BMPR2: variants seen among roughly 807,000 people sequenced by gnomAD.
The protein encoded by BMPR2 is bone morphogenetic protein receptor type 2, also known as bone morphogenetic protein receptor type-2.
Under a neutral mutation model 100.8 loss-of-function variants are expected in BMPR2, and 29 were observed. That is an observed-to-expected ratio of 0.29 (90% confidence interval 0.21 to 0.39). BMPR2 has a LOEUF of 0.39. Among genes scored for constraint, BMPR2 ranks in the 10% least tolerant of loss-of-function variants. The pLI, the probability that BMPR2 is intolerant of heterozygous loss-of-function variation, is 1.00. For synonymous variants in BMPR2, 382 were observed against 442.3 expected, an observed-to-expected ratio of 0.86 and a Z score of 1.71; for missense variants, 1,011 against 1,274.5, an observed-to-expected ratio of 0.79 and a Z score of 3.15.
At chr2:202,510,597 G>T (rs1004827753) in intron 3 of BMPR2, among the ~76,000 whole-genome samples, 4 of 152,088 alleles carry the variant, frequency 2.6e-5, no homozygotes, top group African/African-American at 9.7e-5. Context: ...AGTTTTGTGT[G>T]TGTGTATGTG....
chr2:202,422,912 AG>A (rs1165896180), intron 1 of BMPR2, among the ~76,000 whole-genome samples: 1 of 150,718 alleles, frequency 6.6e-6, no homozygotes, highest in Admixed American at 6.6e-5. Flanking sequence ...TGCTGACCTC[AG>A]GTGATCCACC....
rs1290695738 is a variant in BMPR2 at position 202,535,157 on chromosome 2, A to G, written c.1276+2425A>G. Among the ~76,000 whole-genome samples, 299 of 127,464 alleles carry G rather than the reference A, an allele frequency of 2.3e-3. 3 individuals are homozygous for G. The highest frequency in any genetic ancestry group is 8.3e-3 in the African/African-American group (274 of 32,838). 83.6% of individuals were successfully genotyped at this position (127,464 alleles called of 152,430 possible). A position where few individuals can be genotyped will look rare whatever the true frequency, so the allele number is the denominator to read the frequency against. On this transcript the variant is annotated intron_variant, in intron 9 of 12. Transcript: ENST00000374580. ...GCTGACCCCCCCACCTCCCTCCCGG[A>G]TGGGGCGGCTGGCCTGGCGGGGGGC... is the stretch of plus-strand genomic sequence containing the variant.
rs1574507343 is a variant in BMPR2 at position 202,556,276 on chromosome 2, C to T, written c.2611C>T (p.Leu871=). ...CAGTCCTGATGAGCATGAGCCTTTACTGAGACGAGAGCAACAAGCTGGCCA... is the reference window on the plus strand; with the variant it reads ...CAGTCCTGATGAGCATGAGCCTTTATTGAGACGAGAGCAACAAGCTGGCCA... ...NSSPDEHEPL[L]RREQQAGHDE... The change falls in exon 12 of 13, where the codon CTG becomes TTG. Residue 871 remains leucine (L), a synonymous_variant. Coordinates refer to ENST00000374580, the MANE Select transcript of BMPR2 (RefSeq NM_001204.7). 6.2e-7 allele frequency: 1 copy of T among 1,614,204 alleles called. No homozygotes were observed. The highest frequency in any genetic ancestry group is 8.5e-7 in the Non-Finnish European group (1 of 1,180,042).
chr2:202,483,641 C>T (rs569543985), intron 3 of BMPR2, among the ~76,000 whole-genome samples: 5 of 152,196 alleles, frequency 3.3e-5, no homozygotes, highest in South Asian at 2.1e-4. Flanking sequence ...CTCAGTGATC[C>T]GCCCACCTAG....
chr2:202,515,867 G>C (rs1687702501), intron 5 of BMPR2, among the ~76,000 whole-genome samples: 1 of 152,058 alleles, frequency 6.6e-6, no homozygotes. Flanking sequence ...CTAGGTGACA[G>C]AGCAGGAATC....
chr2:202,463,545 G>A (rs1692261853), intron 1 of BMPR2, among the ~76,000 whole-genome samples: 1 of 152,204 alleles, frequency 6.6e-6, no homozygotes, highest in African/African-American at 2.4e-5. Context: ...AAACAAGTCA[G>A]AAGCCCCCAA....
chr2:202,513,719 G>T lies in BMPR2; in HGVS notation c.419G>T (p.Ser140Ile), dbSNP rs1259254069. The part of the protein sequence containing the change: ...NFPPPDTTPL[S>I]PPHSFNRDET... ...CATTTCAAAATTTGTTTTCTTTTAG[G>T]TCCACCTCATTCATTTAACCGAGAT... The change falls in exon 4 of 13, where the codon AGT (serine) becomes ATT (isoleucine). Residue 140 changes from serine (S) to isoleucine (I), a missense_variant and splice_region_variant. Ser to Ile is a moderately radical substitution (Grantham distance 142). Around this residue, in one of 6 missense-constraint regions of BMPR2, gnomAD observed 355 missense variants for 455.3 expected, o/e 0.78. Coordinates refer to ENST00000374580, the MANE Select transcript of BMPR2 (RefSeq NM_001204.7). The T allele has an allele frequency of 6.2e-7, 1 of 1,610,046 alleles. No individual in the cohort carries two copies. The highest frequency in any genetic ancestry group is 1.7e-5 in the Admixed American group (1 of 59,878).
In BMPR2 at chr2:202,467,727, C is replaced by T. The variant is rs533667407; in HGVS notation, c.418+38C>T. ...ACCAACTTTTCTTTGTATTTCCTTT[C>T]TCCAAAGATTTGCAAAATATAAAAA... On this transcript the variant is annotated intron_variant, in intron 3 of 12. Coordinates refer to ENST00000374580, the MANE Select transcript of BMPR2 (RefSeq NM_001204.7). The T allele has an allele frequency of 1.1e-5, 17 of 1,572,096 alleles. No individual in the cohort carries two copies. The South Asian group carries it at 1.2e-4, about 11-fold the overall frequency.
chr2:202,518,420 G>A (rs576526407), intron 5 of BMPR2, among the ~76,000 whole-genome samples: 1 of 152,234 alleles, frequency 6.6e-6, no homozygotes, highest in Admixed American at 6.5e-5. Flanking sequence ...TTACAGGCAT[G>A]AGCCACCACA....
At chr2:202,550,549 C>G (rs1283857207) in intron 10 of BMPR2, among the ~76,000 whole-genome samples, 1 of 151,984 alleles carries the variant, frequency 6.6e-6, no homozygotes, top group Non-Finnish European at 1.5e-5. Flanking sequence ...ATGCTTTTCT[C>G]TCTTAAATAA....
intron 1 of BMPR2, among the ~76,000 whole-genome samples, chr2:202,424,933 A>G (rs1691355434): frequency 6.6e-6 from 1 of 152,066 alleles, no homozygotes; most frequent in African/African-American, 2.4e-5. Flanking sequence ...CTTCAAGACA[A>G]ATTTTAAGAG....
chr2:202,496,782 T>C (rs1209685397), intron 3 of BMPR2, among the ~76,000 whole-genome samples: 1 of 152,240 alleles, frequency 6.6e-6, no homozygotes, highest in Non-Finnish European at 1.5e-5. Flanking sequence ...TCTCAGCGCC[T>C]CCTCTGCCTG....
intron 4 of BMPR2, among the ~76,000 whole-genome samples, chr2:202,514,427 C>T (rs1048275957): frequency 5.9e-5 from 9 of 152,324 alleles, no homozygotes; most frequent in South Asian, 2.1e-4. Context: ...TGAGCCACTG[C>T]GTCCGGCCAA....
chr2:202,465,416 C>T (rs1009579664), intron 2 of BMPR2, among the ~76,000 whole-genome samples: 2 of 151,862 alleles, frequency 1.3e-5, no homozygotes, highest in Admixed American at 6.6e-5. Context: ...TGTATATCTC[C>T]ACAAGCCCCA....
rs191133853 is a variant in BMPR2 at position 202,497,378 on chromosome 2, C to T, written c.419-16341C>T. Among the ~76,000 whole-genome samples the T allele has an allele frequency of 6.4e-4, 98 of 152,320 alleles. No individual in the cohort carries two copies. In the East Asian group the frequency reaches 0.011, roughly 17 times the overall value. The stretch of plus-strand genomic sequence containing the variant: ...TTCTGTCCTGTCTTTCCTTAGAATT[C>T]GGGGGCTAAATACCGGGCACCTTAT... On this transcript the variant is annotated intron_variant, in intron 3 of 12. Transcript: ENST00000374580.
At chr2:202,529,068 T>C (rs1687968623) in intron 7 of BMPR2, among the ~76,000 whole-genome samples, 1 of 152,220 alleles carries the variant, frequency 6.6e-6, no homozygotes, top group Non-Finnish European at 1.5e-5. Context: ...TAGCAACGCA[T>C]GCTTATTACC....
At chr2:202,478,342 TCAACCATATA>T (rs1429681820) in intron 3 of BMPR2, among the ~76,000 whole-genome samples, 2 of 152,038 alleles carry the variant, frequency 1.3e-5, no homozygotes, top group Non-Finnish European at 2.9e-5. Flanking sequence ...TGTCAATGAG[TCAACCATATA>T]CAACCATATA....
chr2:202,388,956 G>C (rs1690491077), intron 1 of BMPR2, among the ~76,000 whole-genome samples: 1 of 152,106 alleles, frequency 6.6e-6, no homozygotes, highest in Non-Finnish European at 1.5e-5. Context: ...AAAAGTGTGG[G>C]CTGGGTGCAG....
chr2:202,549,919 G>A (rs1189415214), intron 10 of BMPR2, among the ~76,000 whole-genome samples: 1 of 151,890 alleles, frequency 6.6e-6, no homozygotes, highest in East Asian at 1.9e-4. Context: ...GGGGGTGGTG[G>A]AGGGAGTACA....
Sources: gnomAD v4.1 joint callset for allele counts (sites outside exome capture counted in the v4.1 genomes callset) on GRCh38, gnomAD v4.1.1 for gene constraint, gnomAD v4.1.1 regional missense constraint, MANE v1.5 for transcripts, NCBI Gene and HGNC (gene_info 2026-07-23, HGNC 2026-07-21) for gene names.